The following ROBO1 variants were observed in gnomAD, a reference collection of about 807,000 sequenced individuals.
The protein encoded by ROBO1 is roundabout guidance receptor 1, also known as roundabout homolog 1.
A neutral mutation model predicts 195.9 loss-of-function variants in ROBO1; 149 were observed. The observed-to-expected ratio is 0.76, with a 90% CI of 0.67 to 0.87. The LOEUF (loss-of-function observed/expected upper bound fraction) is 0.87. Ranked by LOEUF, ROBO1 falls within the 40% of genes least tolerant of loss-of-function variation. ROBO1 has a pLI of 0.00. For synonymous variants in ROBO1, 816 were observed against 733.2 expected, an observed-to-expected ratio of 1.11 and a Z score of -1.82; for missense variants, 1,933 against 2,068.3, an observed-to-expected ratio of 0.93 and a Z score of 1.27.
intron 2 of ROBO1, among the ~76,000 whole-genome samples, chr3:79,488,588 G>C (rs1177110349): frequency 6.6e-6 from 1 of 152,046 alleles, no homozygotes; most frequent in African/African-American, 2.4e-5. Context: ...ACTCGTCTAT[G>C]GTATGATTTT....
At chr3:78,790,067 C>A (rs1006436219) in intron 4 of ROBO1, among the ~76,000 whole-genome samples, 1 of 152,148 alleles carries the variant, frequency 6.6e-6, no homozygotes, top group East Asian at 1.9e-4. Context: ...ATACCATGAA[C>A]CTTGACCAAT....
At chr3:79,099,493 G>A (rs2079635119) in intron 3 of ROBO1, among the ~76,000 whole-genome samples, 1 of 151,650 alleles carries the variant, frequency 6.6e-6, no homozygotes, top group South Asian at 2.1e-4. Context: ...GAAGGTAAGG[G>A]CCATTTTTGA....
intron 1 of ROBO1, among the ~76,000 whole-genome samples, chr3:79,739,196 G>A (rs1703518473): frequency 1.3e-5 from 2 of 152,132 alleles, no homozygotes. Flanking sequence ...AAAGTTTTAA[G>A]TCATTAATCT....
At chr3:78,670,344 G>A in intron 10 of ROBO1, 43 bp from the exon 11 acceptor site, 1 of 1,514,026 alleles carries the variant, frequency 6.6e-7, no homozygotes, top group Admixed American at 2.0e-5. Flanking sequence ...GCAACTGGAA[G>A]CAATTTTCTA....
At chr3:78,786,854 AT>A (rs1217525612) in intron 4 of ROBO1, among the ~76,000 whole-genome samples, 1 of 152,164 alleles carries the variant, frequency 6.6e-6, no homozygotes, top group Non-Finnish European at 1.5e-5. Context: ...CAGTATGAAA[AT>A]GGACTAATAC....
At chr3:79,408,885 C>G (rs2037659760) in intron 2 of ROBO1, among the ~76,000 whole-genome samples, 1 of 151,870 alleles carries the variant, frequency 6.6e-6, no homozygotes, top group Non-Finnish European at 1.5e-5. Context: ...TTTATATATT[C>G]CAAAATAACT....
chr3:78,666,549 C>G (rs1575878530), intron 14 of ROBO1, among the ~76,000 whole-genome samples: 1 of 152,254 alleles, frequency 6.6e-6, no homozygotes, highest in East Asian at 1.9e-4. Flanking sequence ...ACATTCTTTA[C>G]AAATGTGTAT....
In ROBO1 at chr3:79,548,653, T is replaced by C. The variant is rs1382036911; in HGVS notation, c.88+41171A>G. Among the ~76,000 whole-genome samples the C allele has an allele frequency of 3.3e-5, 5 of 152,230 alleles. No homozygotes were observed. In the South Asian group the frequency reaches 1.0e-3, roughly 32 times the overall value. ...CTTCTTTTGCAATAGGTTCAAGTTT[T>C]ATTTGATGTGAACAGAACTATGTGG... On this transcript the variant is annotated intron_variant, in intron 2 of 30. Coordinates refer to ENST00000464233, the MANE Select transcript of ROBO1 (RefSeq NM_002941.4).
chr3:78,711,339 C>CCTT (rs1559772543), intron 8 of ROBO1, among the ~76,000 whole-genome samples: 31 of 109,028 alleles, frequency 2.8e-4, no homozygotes, highest in African/African-American at 1.1e-3. Flanking sequence ...TTCCTTCCTT[C>CCTT]CTTCCTTCCT....
chr3:78,678,747 C>G (rs189107956), intron 10 of ROBO1, among the ~76,000 whole-genome samples: 1 of 152,154 alleles, frequency 6.6e-6, no homozygotes, highest in Non-Finnish European at 1.5e-5. Flanking sequence ...ACCAGAGGTA[C>G]AAGGACGAAC....
chr3:79,747,625 C>G (rs1703932470), intron 1 of ROBO1, among the ~76,000 whole-genome samples: 3 of 151,986 alleles, frequency 2.0e-5, no homozygotes, highest in Admixed American at 2.0e-4. Flanking sequence ...TATAGTTCCT[C>G]TGAGCATAAT....
intron 2 of ROBO1, among the ~76,000 whole-genome samples, chr3:79,493,615 G>T (rs148339063): frequency 2.0e-5 from 3 of 151,838 alleles, no homozygotes; most frequent in Non-Finnish European, 4.4e-5. Flanking sequence ...TTGAAAAAAG[G>T]TTTTTTATTT....
chr3:79,348,317 A>T (rs529455421), intron 2 of ROBO1, among the ~76,000 whole-genome samples: 1 of 152,240 alleles, frequency 6.6e-6, no homozygotes, highest in Admixed American at 6.5e-5. Flanking sequence ...TGAGACACAC[A>T]TAGGTAACAC....
chr3:78,992,656 A>C (rs1210450780), intron 3 of ROBO1, among the ~76,000 whole-genome samples: 2 of 152,166 alleles, frequency 1.3e-5, no homozygotes, highest in Non-Finnish European at 2.9e-5. Flanking sequence ...TCCCAAAGCC[A>C]CTGTTTAAAC....
chr3:78,849,831 TACACAC>T lies in ROBO1; in HGVS notation c.499+88764_499+88769del, dbSNP rs576994363. On this transcript the variant is annotated intron_variant, in intron 4 of 30. Transcript: ENST00000464233. ...TTTACAGTCAGTCTCTCTCTCCCATTACACACACACACACACACACACACACACACA... is the reference window on the plus strand; with the variant it reads ...TTTACAGTCAGTCTCTCTCTCCCATTACACACACACACACACACACACACA... 8.8e-4 allele frequency among the ~76,000 whole-genome samples: 70 copies of T among 79,698 alleles called. No homozygotes were observed. In the South Asian group the frequency reaches 0.01, roughly 12 times the overall value. 52.3% of individuals were successfully genotyped at this position (79,698 alleles called of 152,430 possible). A position where few individuals can be genotyped will look rare whatever the true frequency, so the allele number is the denominator to read the frequency against.
At chr3:79,362,561 A>C (rs1231702534) in intron 2 of ROBO1, among the ~76,000 whole-genome samples, 1 of 152,148 alleles carries the variant, frequency 6.6e-6, no homozygotes, top group Non-Finnish European at 1.5e-5. Flanking sequence ...AAGGAAATGG[A>C]GTGGACTTGA....
At chr3:79,612,807 T>G (rs1295926548) in intron 1 of ROBO1, among the ~76,000 whole-genome samples, 1 of 618 alleles carries the variant, frequency 1.6e-3, no homozygotes, top group East Asian at 0.024. Context: ...TTCATGTGTT[T>G]TTTGGCTGCA....
intron 2 of ROBO1, among the ~76,000 whole-genome samples, chr3:79,537,242 G>A (rs9815393): frequency 6.6e-6 from 1 of 151,814 alleles, no homozygotes; most frequent in Non-Finnish European, 1.5e-5. Flanking sequence ...AGGGGAAGAA[G>A]GTTGTCTTGG....
intron 26 of ROBO1, among the ~76,000 whole-genome samples, chr3:78,619,848 T>C (rs1350494585): frequency 2.0e-5 from 3 of 151,462 alleles, no homozygotes; most frequent in Admixed American, 6.6e-5. Context: ...CGAAACCCTG[T>C]CTCTACTAAA....
Sources: gnomAD v4.1 joint callset for allele counts (sites outside exome capture counted in the v4.1 genomes callset) on GRCh38, gnomAD v4.1.1 for gene constraint, MANE v1.5 for transcripts, NCBI Gene and HGNC (gene_info 2026-07-23, HGNC 2026-07-21) for gene names.